The following CBLB variants were observed in gnomAD, a reference collection of about 807,000 sequenced individuals.
CBLB encodes E3 ubiquitin-protein ligase CBL-B.
In CBLB, 31 loss-of-function variants were observed where a neutral mutation model predicts 104.9. The observed-to-expected ratio is 0.30, with a 90% CI of 0.22 to 0.40. The LOEUF (loss-of-function observed/expected upper bound fraction) is 0.40, where lower values mean the gene tolerates loss of function less well. Ranked by LOEUF, CBLB falls within the 10% of genes least tolerant of loss-of-function variation. The pLI, the probability that CBLB is intolerant of heterozygous loss-of-function variation, is 1.00. For missense variants in CBLB, 1,062 were observed against 1,214.6 expected (o/e 0.87, Z 1.87); for synonymous variants, 440 against 422.6 (o/e 1.04, Z -0.51).
chr3:105,831,078 T>C (rs1204287204), intron 3 of CBLB, among the ~76,000 whole-genome samples: 5 of 152,190 alleles, frequency 3.3e-5, no homozygotes, highest in Non-Finnish European at 7.3e-5. Flanking sequence ...TTTTTTCTGA[T>C]ATATACTTCC....
intron 18 of CBLB, among the ~76,000 whole-genome samples, chr3:105,660,539 T>C (rs570436247): frequency 2.6e-5 from 4 of 152,286 alleles, no homozygotes; most frequent in African/African-American, 7.2e-5. Context: ...AATACACTTA[T>C]GGATTTAAGA....
Position 105,675,254 on chromosome 3 carries a change from G to A in CBLB, c.2569+3177C>T, listed in dbSNP as rs982399845. Among the ~76,000 whole-genome samples the A allele has an allele frequency of 5.3e-5, 8 of 152,102 alleles. No individual in the cohort carries two copies. In the East Asian group the frequency reaches 5.8e-4, roughly 11 times the overall value. The stretch of plus-strand genomic sequence containing the variant: ...TTACAGACTGAACAACGAAAACAAC[G>A]GTAAAATGCTCACAGAGTTTGTTTA... On this transcript the variant is annotated intron_variant, in intron 17 of 18. Coordinates refer to ENST00000394030, the MANE Select transcript of CBLB (RefSeq NM_170662.5).
At chr3:105,703,771 G>A (rs2069622256) in intron 11 of CBLB, among the ~76,000 whole-genome samples, 9 of 152,022 alleles carry the variant, frequency 5.9e-5, no homozygotes, top group Admixed American at 5.9e-4. Flanking sequence ...AAATCATGGG[G>A]CTACAGACAT....
intron 4 of CBLB, among the ~76,000 whole-genome samples, chr3:105,769,440 A>G (rs1401318543): frequency 1.3e-5 from 2 of 152,190 alleles, no homozygotes; most frequent in African/African-American, 4.8e-5. Flanking sequence ...AAACCTCTCA[A>G]TTGAGAAATG....
At chr3:105,856,902 A>C (rs2091679032) in intron 2 of CBLB, among the ~76,000 whole-genome samples, 1 of 152,200 alleles carries the variant, frequency 6.6e-6, no homozygotes, top group African/African-American at 2.4e-5. Context: ...CCAATTATTT[A>C]ACAAATCCTG....
At chr3:105,803,027 G>A (rs1340335389) in intron 3 of CBLB, among the ~76,000 whole-genome samples, 1 of 152,138 alleles carries the variant, frequency 6.6e-6, no homozygotes, top group Non-Finnish European at 1.5e-5. Flanking sequence ...AATTAAATTA[G>A]AGAAATCGGA....
chr3:105,733,937 C>T, intron 9 of CBLB, 72 bp downstream of exon 9: 1 of 1,421,906 alleles, frequency 7.0e-7, no homozygotes, highest in African/African-American at 1.4e-5. Context: ...CTTCCTAAAC[C>T]ATTAAGAAAA....
intron 4 of CBLB, among the ~76,000 whole-genome samples, chr3:105,753,887 T>C (rs1318042226): frequency 1.3e-5 from 2 of 152,146 alleles, no homozygotes; most frequent in Non-Finnish European, 2.9e-5. Context: ...AATGTACCCC[T>C]TCATAATAAC....
chr3:105,769,426 T>C (rs1227935049), intron 4 of CBLB, among the ~76,000 whole-genome samples: 2 of 152,174 alleles, frequency 1.3e-5, no homozygotes, highest in Non-Finnish European at 2.9e-5. Flanking sequence ...TTCCAGTCTA[T>C]TGGAAACCTC....
At chr3:105,787,957 A>G (rs1378667010) in intron 3 of CBLB, among the ~76,000 whole-genome samples, 1 of 152,234 alleles carries the variant, frequency 6.6e-6, no homozygotes, top group Non-Finnish European at 1.5e-5. Flanking sequence ...ACACTAGAAC[A>G]CTGAAACCAT....
chr3:105,778,140 T>G (rs925702603), intron 3 of CBLB, among the ~76,000 whole-genome samples: 2 of 152,032 alleles, frequency 1.3e-5, no homozygotes, highest in African/African-American at 4.8e-5. Flanking sequence ...TGTGTGTGTA[T>G]GTGTGTGTGT....
intron 10 of CBLB, among the ~76,000 whole-genome samples, chr3:105,710,635 T>G (rs1215334454): frequency 6.6e-6 from 1 of 151,916 alleles, no homozygotes; most frequent in Non-Finnish European, 1.5e-5. Context: ...CCTTCCTGTA[T>G]TATCATCACA....
chr3:105,701,883 C>T (rs535154652), intron 12 of CBLB, among the ~76,000 whole-genome samples: 1 of 152,082 alleles, frequency 6.6e-6, no homozygotes, highest in Non-Finnish European at 1.5e-5. Flanking sequence ...AGTGTCTTCA[C>T]ATTAAAATTA....
At position 105,702,430 on chromosome 3, in the gene CBLB, A is replaced by T. The variant is rs769173177; in HGVS notation, c.1623T>A (p.Asp541Glu). ...GAGGAGGTGGTGCTGGGAGTGGTTT[A>T]TCTTGTTTTCTCACCATGCAAGGAG... ...KSSPCMVRKQDKPLPAPPPPL... is the reference protein window; with the variant it reads ...KSSPCMVRKQEKPLPAPPPPL... The change falls in exon 12 of 19, where the codon GAT (aspartate) becomes GAA (glutamate). Residue 541 changes from aspartate (D) to glutamate (E), a missense_variant. This residue lies in a region of CBLB where 605 missense variants were observed against 582.6 expected (regional missense o/e 1.04). Coordinates refer to ENST00000394030, the MANE Select transcript of CBLB (RefSeq NM_170662.5). 8.2e-7 allele frequency: 1 copy of T among 1,226,970 alleles called. No homozygotes were observed. The highest frequency in any genetic ancestry group is 1.1e-6 in the Non-Finnish European group (1 of 904,836). The allele number at this position is 1,226,970 out of a possible 1,614,324, so 76.0% of individuals were successfully genotyped here.
At chr3:105,701,711 C>T (rs1424814722) in intron 12 of CBLB, among the ~76,000 whole-genome samples, 2 of 150,286 alleles carry the variant, frequency 1.3e-5, no homozygotes, top group Non-Finnish European at 3.0e-5. Context: ...TGCAGTGAGC[C>T]GAGATCACGC....
intron 2 of CBLB, among the ~76,000 whole-genome samples, chr3:105,855,965 C>A (rs1203507211): frequency 6.6e-6 from 1 of 152,088 alleles, no homozygotes; most frequent in Non-Finnish European, 1.5e-5. Flanking sequence ...AATAAACAAT[C>A]GAACTATAAT....
intron 10 of CBLB, among the ~76,000 whole-genome samples, chr3:105,713,086 AGAGT>A (rs1159693993): frequency 6.6e-6 from 1 of 152,180 alleles, no homozygotes; most frequent in Non-Finnish European, 1.5e-5. Flanking sequence ...GCTGGGCATT[AGAGT>A]GAGACCCCAT....
chr3:105,814,033 A>T (rs537386350), intron 3 of CBLB, among the ~76,000 whole-genome samples: 60 of 152,300 alleles, frequency 3.9e-4, no homozygotes, highest in African/African-American at 1.4e-3. Context: ...ATGTAGTTCA[A>T]TTAAGCAATT....
chr3:105,804,557 T>C (rs1368839436), intron 3 of CBLB, among the ~76,000 whole-genome samples: 1 of 152,102 alleles, frequency 6.6e-6, no homozygotes, highest in East Asian at 1.9e-4. Context: ...ATTAAGAATT[T>C]GTTATAATGA....
Sources: gnomAD v4.1 joint callset for allele counts (sites outside exome capture counted in the v4.1 genomes callset) on GRCh38, gnomAD v4.1.1 for gene constraint, gnomAD v4.1.1 regional missense constraint, MANE v1.5 for transcripts, NCBI Gene and HGNC (gene_info 2026-07-23, HGNC 2026-07-21) for gene names.